PDLIM5: variants seen among roughly 807,000 people sequenced by gnomAD.
PDLIM5 encodes the protein PDZ and LIM domain protein 5.
In PDLIM5, 34 loss-of-function variants were observed where a neutral mutation model predicts 64.2. The ratio of observed to expected loss-of-function variants is 0.53; its 90% CI spans 0.40 to 0.71. The LOEUF is 0.71. Among genes scored for constraint, PDLIM5 ranks in the 30% least tolerant of loss-of-function variants. The pLI, the probability that PDLIM5 is intolerant of heterozygous loss-of-function variation, is 0.00. For synonymous variants in PDLIM5, 253 were observed against 269.1 expected, an observed-to-expected ratio of 0.94 and a Z score of 0.59; for missense variants, 683 against 733.6, an observed-to-expected ratio of 0.93 and a Z score of 0.80.
chr4:94,652,255 C>T (rs1741898774), intron 9 of PDLIM5, among the ~76,000 whole-genome samples: 1 of 152,168 alleles, frequency 6.6e-6, no homozygotes, highest in Non-Finnish European at 1.5e-5. Context: ...AGTCCTCCAG[C>T]CTTATGGATG....
intron 3 of PDLIM5, among the ~76,000 whole-genome samples, chr4:94,557,049 T>G (rs1045638859): frequency 6.6e-6 from 1 of 152,238 alleles, no homozygotes; most frequent in Admixed American, 6.5e-5. Flanking sequence ...GTCTAACATT[T>G]AAGTCTTTAA....
chr4:94,538,041 AT>A (rs1731463884), intron 3 of PDLIM5, among the ~76,000 whole-genome samples: 1 of 152,212 alleles, frequency 6.6e-6, no homozygotes, highest in African/African-American at 2.4e-5. Flanking sequence ...GTCATTTCAA[AT>A]GCCGTGGAAA....
At chr4:94,587,633 A>G in intron 7 of PDLIM5, 2 of 979,248 alleles carry the variant, frequency 2.0e-6, no homozygotes, top group Non-Finnish European at 2.4e-6. Context: ...TATCTTTTAA[A>G]GTAGGTACTA....
intron 9 of PDLIM5, among the ~76,000 whole-genome samples, chr4:94,645,750 C>T (rs1202061122): frequency 2.6e-5 from 4 of 152,058 alleles, no homozygotes; most frequent in Admixed American, 1.3e-4. Flanking sequence ...CTTCTCTCTC[C>T]GACTTCAGTC....
intron 7 of PDLIM5, among the ~76,000 whole-genome samples, chr4:94,595,174 A>G (rs1362075244): frequency 6.6e-6 from 1 of 152,136 alleles, no homozygotes; most frequent in Non-Finnish European, 1.5e-5. Context: ...TGATCCAGGT[A>G]CCTCCTGCCA....
chr4:94,454,972 A>G (rs552187592), intron 1 of PDLIM5, among the ~76,000 whole-genome samples: 8 of 152,354 alleles, frequency 5.3e-5, no homozygotes, highest in African/African-American at 1.9e-4. Context: ...TTTGCATGCA[A>G]GAAGCCACAA....
At chr4:94,626,894 A>G (rs1283636405) in intron 8 of PDLIM5, among the ~76,000 whole-genome samples, 3 of 152,086 alleles carry the variant, frequency 2.0e-5, no homozygotes, top group Non-Finnish European at 2.9e-5. Context: ...TATAAATTCT[A>G]TCTTTTATTT....
intron 3 of PDLIM5, among the ~76,000 whole-genome samples, chr4:94,562,357 G>A (rs560861985): frequency 6.4e-4 from 97 of 152,246 alleles, no homozygotes; most frequent in African/African-American, 2.3e-3. Context: ...AGGAAAATAT[G>A]TATGTTATTG....
At chr4:94,565,102 C>T (rs530675977) in intron 3 of PDLIM5, among the ~76,000 whole-genome samples, 3 of 152,110 alleles carry the variant, frequency 2.0e-5, no homozygotes, top group Non-Finnish European at 4.4e-5. Flanking sequence ...TGCCCTTGAA[C>T]TTGAAGTGAT....
At chr4:94,452,403 C>G (rs1482561629) in intron 1 of PDLIM5, among the ~76,000 whole-genome samples, 1 of 152,168 alleles carries the variant, frequency 6.6e-6, no homozygotes, top group Non-Finnish European at 1.5e-5. Context: ...TGTCTGAGTG[C>G]CCAGTCCTGC....
chr4:94,515,693 A>G (rs1404466089), intron 2 of PDLIM5, among the ~76,000 whole-genome samples: 1 of 152,244 alleles, frequency 6.6e-6, no homozygotes, highest in East Asian at 1.9e-4. Flanking sequence ...CAGAATTTGC[A>G]TACAATTTCA....
intron 8 of PDLIM5, among the ~76,000 whole-genome samples, chr4:94,638,152 G>A (rs948426287): frequency 1.3e-5 from 2 of 152,150 alleles, no homozygotes; most frequent in African/African-American, 2.4e-5. Context: ...AGTTGAAAAC[G>A]TCCTGGAGAA....
chr4:94,531,549 T>C (rs1299705863), intron 3 of PDLIM5, among the ~76,000 whole-genome samples: 1 of 152,136 alleles, frequency 6.6e-6, no homozygotes, highest in Non-Finnish European at 1.5e-5. Flanking sequence ...AACCTCATAA[T>C]GTTTTAAGAA....
intron 9 of PDLIM5, among the ~76,000 whole-genome samples, chr4:94,646,268 A>G (rs1741405548): frequency 6.6e-6 from 1 of 152,218 alleles, no homozygotes; most frequent in Admixed American, 6.5e-5. Context: ...AAGAGGTAAA[A>G]TGAGGTCAGT....
intron 7 of PDLIM5, among the ~76,000 whole-genome samples, chr4:94,614,235 A>G (rs918287445): frequency 6.6e-6 from 1 of 152,128 alleles, no homozygotes; most frequent in Non-Finnish European, 1.5e-5. Context: ...TGCTGGGATT[A>G]CAGGCATGAG....
intron 3 of PDLIM5, among the ~76,000 whole-genome samples, chr4:94,525,971 T>C (rs747115713): frequency 9.9e-5 from 15 of 152,230 alleles, no homozygotes; most frequent in Non-Finnish European, 1.8e-4. Flanking sequence ...AAGTCATTTT[T>C]AATTTACCAA....
rs763032076 is a variant in PDLIM5 at position 94,586,406 on chromosome 4, A to G, written c.884-2A>G. 2 of 1,480,096 alleles carry G rather than the reference A, an allele frequency of 1.4e-6. No homozygotes were observed. The highest frequency in any genetic ancestry group is 1.7e-5 in the Admixed American group (1 of 57,836). The allele number at this position is 1,480,096 out of a possible 1,614,324, so 91.7% of individuals were successfully genotyped here. ...TATTGGATATTGCTTATTATATTTC[A>G]GTGAAAGAATCTGAAGCCGATAATA... is the stretch of plus-strand genomic sequence containing the variant. On this transcript the variant is annotated splice_acceptor_variant, in intron 6 of 12. Transcript: ENST00000317968. LOFTEE classifies it high-confidence loss of function.
At chr4:94,585,529 T>C (rs777476031) in intron 5 of PDLIM5, 36 bp from the exon 6 acceptor site, 21 of 1,354,788 alleles carry the variant, frequency 1.6e-5, no homozygotes, top group Non-Finnish European at 1.9e-5. Flanking sequence ...AATATAACTT[T>C]ACAATTTTTA....
At chr4:94,585,849 A>T (rs1473786501) in intron 6 of PDLIM5, 112 bp downstream of exon 6, 1 of 786,052 alleles carries the variant, frequency 1.3e-6, no homozygotes, top group Non-Finnish European at 2.1e-6. Context: ...TTGCTTTTAA[A>T]TTATGCTGTG....
Sources: gnomAD v4.1 joint callset for allele counts (sites outside exome capture counted in the v4.1 genomes callset) on GRCh38, gnomAD v4.1.1 for gene constraint, MANE v1.5 for transcripts, NCBI Gene and HGNC (gene_info 2026-07-23, HGNC 2026-07-21) for gene names.